Variants in IL4R observed in about 807,000 individuals in gnomAD.
The protein encoded by IL4R is interleukin-4 receptor subunit alpha.
A neutral mutation model predicts 41.5 loss-of-function variants in IL4R; 17 were observed. The observed-to-expected ratio is 0.41, with a 90% CI of 0.28 to 0.61. The LOEUF (loss-of-function observed/expected upper bound fraction) is 0.61, where lower values mean the gene tolerates loss of function less well. IL4R is among the 20% of genes least tolerant of loss of function. IL4R has a pLI of 0.31. For synonymous variants in IL4R, 402 were observed against 422.9 expected (o/e 0.95, Z 0.61); for missense variants, 974 against 1,043.1 (o/e 0.93, Z 0.91).
In IL4R at chr16:27,338,893, G is replaced by A. The variant is rs186495214; in HGVS notation, c.-18-1293G>A. Among the ~76,000 whole-genome samples the A allele has an allele frequency of 5.2e-3, 790 of 151,972 alleles. 7 individuals carry two copies. Among genetic ancestry groups the A allele is most frequent in the African/African-American group, 0.016 (655 of 41,446 alleles). The stretch of plus-strand genomic sequence containing the variant: ...TTTGAGATGGAGTCTTGCTCTTGTC[G>A]CCCAGGCTGGAGTACAATGACGCGA... On this transcript the variant is annotated intron_variant, in intron 2 of 10. Transcript: ENST00000395762.
chr16:27,348,004 T>A (rs1328317422), intron 6 of IL4R, among the ~76,000 whole-genome samples: 2 of 152,124 alleles, frequency 1.3e-5, no homozygotes, highest in African/African-American at 4.8e-5. Flanking sequence ...TGTCATTTGT[T>A]CCTTGAGGTT....
intron 1 of IL4R, among the ~76,000 whole-genome samples, chr16:27,326,811 T>C (rs115515965): frequency 0.011 from 1,660 of 152,066 alleles, 32 homozygotes; most frequent in African/African-American, 0.034. Context: ...GTCTGTTGCC[T>C]CCCCTCCCTC....
intron 1 of IL4R, among the ~76,000 whole-genome samples, chr16:27,329,839 T>C (rs1469745434): frequency 6.6e-6 from 1 of 151,920 alleles, no homozygotes; most frequent in Non-Finnish European, 1.5e-5. Context: ...GGTGCTGTGA[T>C]AAGAAGTCAC....
intron 1 of IL4R, among the ~76,000 whole-genome samples, chr16:27,319,891 C>T (rs537100103): frequency 5.3e-5 from 8 of 151,888 alleles, no homozygotes; most frequent in Admixed American, 3.3e-4. Flanking sequence ...TTTTTTAAGA[C>T]GGAGTTTCGC....
intron 1 of IL4R, among the ~76,000 whole-genome samples, chr16:27,316,792 A>G (rs1027050314): frequency 1.3e-5 from 2 of 152,186 alleles, no homozygotes; most frequent in Non-Finnish European, 2.9e-5. Flanking sequence ...TTCTGCATTT[A>G]TGAGATTATA....
chr16:27,335,789 C>A lies in IL4R; in HGVS notation c.-18-4397C>A, dbSNP rs571006190. Among the ~76,000 whole-genome samples, 3 of 152,150 alleles carry A rather than the reference C, an allele frequency of 2.0e-5. No individual in the cohort carries two copies. In the East Asian group the frequency reaches 5.8e-4, roughly 29 times the overall value. ...ACAGAATAGTATTTAGAAGCCAAGA[C>A]CTGGTCACTAGGAAGGCATGATAAT... On this transcript the variant is annotated intron_variant, in intron 2 of 10. Coordinates refer to ENST00000395762, the MANE Select transcript of IL4R (RefSeq NM_000418.4).
rs1031029266 is a variant in IL4R, at chr16:27,314,045, A to T, written c.-152+25A>T. 3.0e-6 allele frequency: 3 copies of T among 984,588 alleles called. No homozygotes were observed. The African/African-American group carries it at 5.3e-5, about 17-fold the overall frequency. 61.0% of individuals were successfully genotyped at this position (984,588 alleles called of 1,614,324 possible). A position where few individuals can be genotyped will look rare whatever the true frequency, so the allele number is the denominator to read the frequency against. ...GGTAGGATCCGGGGCCCGCGCGCGG[A>T]TCGGGTTGCGAAGGTATCGCCCGGG... On this transcript the variant is annotated intron_variant, in intron 1 of 10. Transcript: ENST00000395762.
rs148323745 is a variant in IL4R, at chr16:27,362,268, C to G, written c.916C>G (p.Leu306Val). ...PAKCPHWKNC[L>V]TKLLPCFLEH... ...CTTTTGCAGACACTGGAAGAATTGT[C>G]TTACCAAGCTCTTGCCCTGTTTTCT... The change falls in exon 11 of 11, where the codon CTT becomes GTT. Residue 306 changes from leucine to valine, a missense_variant. Coordinates refer to ENST00000395762, the MANE Select transcript of IL4R (RefSeq NM_000418.4). 1 of 1,613,852 alleles carries G rather than the reference C, an allele frequency of 6.2e-7. No homozygotes were observed. Among genetic ancestry groups the G allele is most frequent in the Non-Finnish European group, 8.5e-7 (1 of 1,179,880 alleles).
intron 5 of IL4R, among the ~76,000 whole-genome samples, chr16:27,346,031 T>G: frequency 6.6e-6 from 1 of 151,864 alleles, no homozygotes; most frequent in East Asian, 1.9e-4. Context: ...TTTGGGTTAC[T>G]TTGGCTCATA....
In IL4R at chr16:27,362,237, C is replaced by A. The variant is rs3024676; in HGVS notation, c.900-15C>A. 0.18 allele frequency: 295,606 copies of A among 1,609,810 alleles called. 35,456 individuals carry two copies. Among genetic ancestry groups the A allele is most frequent in the African/African-American group, 0.62 (46,012 of 74,714 alleles). On this transcript the variant is annotated splice_polypyrimidine_tract_variant and intron_variant, in intron 10 of 10. Transcript: ENST00000395762. ...AGTGTCGAAACTGAACCCTGACCAA[C>A]CTTTGCTTTTGCAGACACTGGAAGA...
intron 8 of IL4R, among the ~76,000 whole-genome samples, chr16:27,358,688 A>G: frequency 6.6e-6 from 1 of 152,134 alleles, no homozygotes; most frequent in East Asian, 1.9e-4. Flanking sequence ...GCCACCTACC[A>G]GCTGTCACTC....
chr16:27,347,837 CAA>C (rs1596515420), intron 6 of IL4R, among the ~76,000 whole-genome samples: 3 of 152,378 alleles, frequency 2.0e-5, no homozygotes, highest in East Asian at 3.9e-4. Context: ...ACAGGAGTGA[CAA>C]GAGCACCCGC....
chr16:27,326,841 C>T (rs1446534542), intron 1 of IL4R, among the ~76,000 whole-genome samples: 1 of 152,066 alleles, frequency 6.6e-6, no homozygotes, highest in Non-Finnish European at 1.5e-5. Flanking sequence ...GGGCTGGGGA[C>T]GGAGCCAACC....
rs779044214 is a variant in IL4R at position 27,363,459 on chromosome 16, C to T, written c.2107C>T (p.Leu703Phe). The T allele has an allele frequency of 2.5e-6, 4 of 1,614,102 alleles. No individual in the cohort carries two copies. Among genetic ancestry groups the T allele is most frequent in the South Asian group, 1.1e-5 (1 of 91,066 alleles). The change falls in exon 11 of 11, where the codon CTT becomes TTT. Residue 703 changes from leucine to phenylalanine, a missense_variant. Leu to Phe is a conservative substitution (Grantham distance 22). This residue lies in a region of IL4R where 682 missense variants were observed against 704.3 expected (regional missense o/e 0.97). Transcript: ENST00000395762. Reference protein sequence around the residue: ...PLPQEQATDPLVDSLGSGIVY... With the variant: ...PLPQEQATDPFVDSLGSGIVY... ...TCCCCAGGAGCAGGCCACAGACCCC[C>T]TTGTGGACAGCCTGGGCAGTGGCAT...
intron 1 of IL4R, among the ~76,000 whole-genome samples, chr16:27,319,096 G>A (rs1271726276): frequency 3.9e-5 from 6 of 152,204 alleles, no homozygotes; most frequent in African/African-American, 1.4e-4. Flanking sequence ...GGATATCTGG[G>A]GAAAGAGTGA....
At chr16:27,335,850 C>T (rs1003167209) in intron 2 of IL4R, among the ~76,000 whole-genome samples, 3 of 152,000 alleles carry the variant, frequency 2.0e-5, no homozygotes, top group African/African-American at 7.2e-5. Flanking sequence ...GCATCCTGGA[C>T]GTATAAAGGG....
chr16:27,334,781 A>G (rs1463828646), intron 2 of IL4R, among the ~76,000 whole-genome samples: 2 of 152,096 alleles, frequency 1.3e-5, no homozygotes, highest in South Asian at 2.1e-4. Context: ...AAGGAAGACG[A>G]GTTCAACCTT....
intron 4 of IL4R, among the ~76,000 whole-genome samples, chr16:27,344,296 TTG>T (rs1390144912): frequency 6.6e-6 from 1 of 150,410 alleles, no homozygotes; most frequent in Non-Finnish European, 1.5e-5. Flanking sequence ...CAGTGAGACT[TTG>T]TCTCAGGAAA....
Position 27,363,836 on chromosome 16 carries a change from T to C in IL4R, c.*6T>C, listed in dbSNP as rs2074570. 84,207 of 1,596,006 alleles carry C rather than the reference T, an allele frequency of 0.053. 3,385 individuals are homozygous for C. The highest frequency in any genetic ancestry group is 0.19 in the African/African-American group (14,313 of 74,940). On this transcript the variant is annotated 3_prime_UTR_variant, in exon 11 of 11. Transcript: ENST00000395762. Reference sequence around the variant, plus strand: ...CATACATGAGGGTCTCTTAGGTGCATGTCCTCTTGTTGCTGAGTCTGCAGA... The same window carrying C: ...CATACATGAGGGTCTCTTAGGTGCACGTCCTCTTGTTGCTGAGTCTGCAGA...
Sources: allele counts gnomAD v4.1 joint callset (sites outside exome capture counted in the v4.1 genomes callset), GRCh38; gene constraint gnomAD v4.1.1; regional missense constraint gnomAD v4.1.1; transcripts MANE v1.5; gene names NCBI Gene and HGNC (gene_info 2026-07-23, HGNC 2026-07-21).